NEDD4L: variants seen among roughly 807,000 people sequenced by gnomAD.
The protein encoded by NEDD4L is E3 ubiquitin-protein ligase NEDD4-like.
A neutral mutation model predicts 148.9 loss-of-function variants in NEDD4L; 54 were observed. That is an observed-to-expected ratio of 0.36 (90% confidence interval 0.29 to 0.45). The LOEUF (loss-of-function observed/expected upper bound fraction) is 0.45, where lower values mean the gene tolerates loss of function less well. Among genes scored for constraint, NEDD4L ranks in the 20% least tolerant of loss-of-function variants. The probability of loss-of-function intolerance (pLI) is 1.00; values close to 1 mark genes in which losing one functional copy is unlikely to be tolerated. For missense variants in NEDD4L, 856 were observed against 1,233.8 expected (o/e 0.69, Z 4.59); for synonymous variants, 433 against 440.7 (o/e 0.98, Z 0.22).
intron 1 of NEDD4L, among the ~76,000 whole-genome samples, chr18:58,081,837 A>G (rs1352945490): frequency 1.3e-5 from 2 of 152,076 alleles, no homozygotes; most frequent in Non-Finnish European, 2.9e-5. Flanking sequence ...CAGTTTCTCC[A>G]TAACAAATGC....
At chr18:58,205,026 G>A (rs562751110) in intron 2 of NEDD4L, among the ~76,000 whole-genome samples, 35 of 152,310 alleles carry the variant, frequency 2.3e-4, no homozygotes, top group African/African-American at 7.9e-4. Context: ...ATCTCCATAT[G>A]GGATGTTTGG....
chr18:58,123,336 C>T (rs1333853496), intron 1 of NEDD4L, among the ~76,000 whole-genome samples: 1 of 152,148 alleles, frequency 6.6e-6, no homozygotes, highest in Admixed American at 6.5e-5. Context: ...CTCAGGCACC[C>T]CACTCTGCGA....
intron 2 of NEDD4L, among the ~76,000 whole-genome samples, chr18:58,196,475 G>A (rs2040704354): frequency 1.3e-5 from 2 of 152,146 alleles, no homozygotes; most frequent in South Asian, 4.1e-4. Flanking sequence ...AATTGTAAAT[G>A]AGGTGCATAA....
chr18:58,172,090 C>T (rs1325561972), intron 2 of NEDD4L, among the ~76,000 whole-genome samples: 1 of 152,134 alleles, frequency 6.6e-6, no homozygotes, highest in Admixed American at 6.5e-5. Flanking sequence ...ACCTGACCCT[C>T]ACCTTAGGGG....
chr18:58,069,906 C>G (rs999995044), intron 1 of NEDD4L, among the ~76,000 whole-genome samples: 1 of 152,206 alleles, frequency 6.6e-6, no homozygotes, highest in African/African-American at 2.4e-5. Context: ...CCATTCCCGG[C>G]CCCTGACCAC....
chr18:58,204,706 A>G (rs1475801524), intron 2 of NEDD4L, among the ~76,000 whole-genome samples: 1 of 152,170 alleles, frequency 6.6e-6, no homozygotes, highest in Non-Finnish European at 1.5e-5. Context: ...AGTCTTATAA[A>G]AATAAGTTTA....
At chr18:58,045,477 C>T (rs2081535416) in intron 1 of NEDD4L, 1 of 201,414 alleles carries the variant, frequency 5.0e-6, no homozygotes, top group Admixed American at 6.0e-5. Context: ...GCCACGCCTC[C>T]CAGGCGGTCG....
chr18:58,056,571 A>G (rs1327547356), intron 1 of NEDD4L, among the ~76,000 whole-genome samples: 2 of 152,024 alleles, frequency 1.3e-5, no homozygotes, highest in Non-Finnish European at 1.5e-5. Flanking sequence ...TGACAGAGCT[A>G]TGCCTTTTTT....
At chr18:58,388,830 G>A (rs2041620975) in intron 27 of NEDD4L, 1 of 495,312 alleles carries the variant, frequency 2.0e-6, no homozygotes, top group Admixed American at 3.2e-5. Flanking sequence ...GACGACTGTG[G>A]CATTTTTATA....
chr18:58,376,939 C>A (rs979082153), intron 24 of NEDD4L, among the ~76,000 whole-genome samples: 2 of 152,256 alleles, frequency 1.3e-5, no homozygotes, highest in South Asian at 2.1e-4. Context: ...CCCTCCCAGT[C>A]TCAGTTCAGG....
intron 1 of NEDD4L, among the ~76,000 whole-genome samples, chr18:58,155,531 G>T (rs1465283178): frequency 6.6e-6 from 1 of 152,134 alleles, no homozygotes; most frequent in Non-Finnish European, 1.5e-5. Flanking sequence ...TTGCAGTAAG[G>T]TGGCATGGAT....
chr18:58,317,349 C>T (rs950703897), intron 6 of NEDD4L, among the ~76,000 whole-genome samples: 1 of 152,166 alleles, frequency 6.6e-6, no homozygotes. Flanking sequence ...CATCCTTCTA[C>T]GTTGGGAGGT....
At chr18:58,209,629 A>G (rs1180741176) in intron 2 of NEDD4L, among the ~76,000 whole-genome samples, 1 of 150,864 alleles carries the variant, frequency 6.6e-6, no homozygotes, top group East Asian at 2.0e-4. Flanking sequence ...ACCTGGAGAA[A>G]AGACCTACGT....
chr18:58,221,376 G>A (rs991887069), intron 2 of NEDD4L: 1 of 166,300 alleles, frequency 6.0e-6, no homozygotes, highest in African/African-American at 2.4e-5. Context: ...GATGCTGCAG[G>A]AACAACTGCA....
intron 1 of NEDD4L, among the ~76,000 whole-genome samples, chr18:58,094,684 C>T (rs1031940526): frequency 1.3e-5 from 2 of 152,154 alleles, no homozygotes; most frequent in African/African-American, 4.8e-5. Context: ...GACTCCACCC[C>T]TGCTGTGTAG....
At chr18:58,250,327 T>G (rs1382624548) in intron 4 of NEDD4L, among the ~76,000 whole-genome samples, 1 of 152,150 alleles carries the variant, frequency 6.6e-6, no homozygotes. Context: ...TTTTTGTATT[T>G]TTAGTAGAGA....
At chr18:58,118,631 T>C (rs1182487265) in intron 1 of NEDD4L, among the ~76,000 whole-genome samples, 4 of 152,100 alleles carry the variant, frequency 2.6e-5, no homozygotes, top group Non-Finnish European at 5.9e-5. Flanking sequence ...TATGTGTCTG[T>C]GTGTGTGTGG....
rs1239832704 is a variant in NEDD4L, at chr18:58,400,982, G to T, written c.*4713G>T. Reference sequence around the variant, plus strand: ...TTTTTACACCTTTATTGAGTAATCTGGTTTCGAAAGGAGGTGAGAGTTTAG... The same window carrying T: ...TTTTTACACCTTTATTGAGTAATCTTGTTTCGAAAGGAGGTGAGAGTTTAG... On this transcript the variant is annotated 3_prime_UTR_variant, in exon 31 of 31. Transcript: ENST00000400345. 1 of 152,022 alleles carries T rather than the reference G, an allele frequency of 6.6e-6. No individual in the cohort carries two copies. Among genetic ancestry groups the T allele is most frequent in the Non-Finnish European group, 1.5e-5 (1 of 68,012 alleles). The allele number at this position is 152,022 out of a possible 1,614,324, so 9.4% of individuals were successfully genotyped here.
intron 1 of NEDD4L, among the ~76,000 whole-genome samples, chr18:58,139,036 T>A (rs1321161471): frequency 1.3e-5 from 2 of 152,244 alleles, no homozygotes; most frequent in Non-Finnish European, 2.9e-5. Flanking sequence ...TGCCTGGACA[T>A]TCTGGGTCCT....
Sources: allele counts gnomAD v4.1 joint callset (sites outside exome capture counted in the v4.1 genomes callset), GRCh38; gene constraint gnomAD v4.1.1; transcripts MANE v1.5; gene names NCBI Gene and HGNC (gene_info 2026-07-23, HGNC 2026-07-21).